Variants in PIP5K1B observed in about 807,000 individuals in gnomAD.
PIP5K1B encodes phosphatidylinositol-4-phosphate 5-kinase type 1 beta.
In PIP5K1B, 42 loss-of-function variants were observed where a neutral mutation model predicts 67.0. That is an observed-to-expected ratio of 0.63 (90% CI 0.49 to 0.81). PIP5K1B has a LOEUF of 0.81. PIP5K1B is among the 30% of genes least tolerant of loss of function. The probability of loss-of-function intolerance (pLI) is 0.00; values close to 1 mark genes in which losing one functional copy is unlikely to be tolerated. For missense variants in PIP5K1B, 459 were observed against 646.3 expected, an observed-to-expected ratio of 0.71 and a Z score of 3.14; for synonymous variants, 214 against 231.4, an observed-to-expected ratio of 0.92 and a Z score of 0.68.
chr9:68,741,217 C>G (rs993041200), intron 1 of PIP5K1B, among the ~76,000 whole-genome samples: 1 of 152,136 alleles, frequency 6.6e-6, no homozygotes, highest in East Asian at 1.9e-4. Context: ...AAATTGGAAT[C>G]ACATATTTTT....
intron 14 of PIP5K1B, among the ~76,000 whole-genome samples, chr9:68,958,389 G>A (rs1041086355): frequency 6.6e-6 from 1 of 152,068 alleles, no homozygotes; most frequent in Non-Finnish European, 1.5e-5. Context: ...CATATTTTCT[G>A]CTTCTTAAGT....
intron 5 of PIP5K1B, 102 bp downstream of exon 5, chr9:68,864,069 A>C: frequency 9.1e-7 from 1 of 1,104,734 alleles, no homozygotes; most frequent in Non-Finnish European, 1.3e-6. Context: ...TTATATGTAC[A>C]GATGTGAATA....
chr9:68,897,491 T>C (rs1825146458), intron 8 of PIP5K1B, among the ~76,000 whole-genome samples: 1 of 152,160 alleles, frequency 6.6e-6, no homozygotes, highest in Admixed American at 6.5e-5. Flanking sequence ...AGTAGAAGCA[T>C]ATTTCTAGGA....
intron 4 of PIP5K1B, among the ~76,000 whole-genome samples, chr9:68,828,230 G>A (rs1485088976): frequency 6.6e-6 from 1 of 152,190 alleles, no homozygotes; most frequent in African/African-American, 2.4e-5. Flanking sequence ...CTGCCTTTCT[G>A]GGCCTGCCCA....
intron 14 of PIP5K1B, among the ~76,000 whole-genome samples, chr9:68,985,996 T>C (rs1587763019): frequency 6.6e-6 from 1 of 152,268 alleles, no homozygotes; most frequent in East Asian, 1.9e-4. Context: ...ATTTGTCCAT[T>C]CATCAGTTGG....
At chr9:68,819,837 T>C (rs1301445074) in intron 3 of PIP5K1B, among the ~76,000 whole-genome samples, 1 of 152,174 alleles carries the variant, frequency 6.6e-6, no homozygotes, top group Non-Finnish European at 1.5e-5. Flanking sequence ...GAAAAATAAA[T>C]GAATAACTCT....
intron 2 of PIP5K1B, among the ~76,000 whole-genome samples, chr9:68,803,638 C>T (rs1207271385): frequency 6.6e-6 from 1 of 152,240 alleles, no homozygotes; most frequent in Admixed American, 6.5e-5. Context: ...CTGAGTTTGC[C>T]TCTAACAAGT....
chr9:68,744,832 C>G (rs1184092763), intron 2 of PIP5K1B, among the ~76,000 whole-genome samples: 1 of 152,174 alleles, frequency 6.6e-6, no homozygotes, highest in East Asian at 1.9e-4. Flanking sequence ...CTGCTGCACT[C>G]TCTTCAGCCT....
rs1833788599 is a variant in PIP5K1B, at chr9:68,822,687, A to G, written c.69+4A>G. 1.9e-6 allele frequency: 3 copies of G among 1,603,516 alleles called. No homozygotes were observed. Among genetic ancestry groups the G allele is most frequent in the Non-Finnish European group, 2.6e-6 (3 of 1,171,126 alleles). On this transcript the variant is annotated splice_donor_region_variant and intron_variant, in intron 4 of 15. Transcript: ENST00000265382. ...TGAAGAAAAAACCTATAAAAAGGTGAGTGTGCATTTTATTTTCTAAAGAGG... is the reference window on the plus strand; with the variant it reads ...TGAAGAAAAAACCTATAAAAAGGTGGGTGTGCATTTTATTTTCTAAAGAGG...
chr9:68,962,503 A>G (rs1480517303), intron 14 of PIP5K1B, among the ~76,000 whole-genome samples: 2 of 152,222 alleles, frequency 1.3e-5, no homozygotes, highest in African/African-American at 4.8e-5. Context: ...ACTGCCTCAT[A>G]AAGAACAGAT....
chr9:68,844,708 C>G (rs1048937807), intron 4 of PIP5K1B, among the ~76,000 whole-genome samples: 6 of 152,182 alleles, frequency 3.9e-5, no homozygotes, highest in Non-Finnish European at 7.3e-5. Flanking sequence ...TAATAACGCT[C>G]TCTCAGAGTT....
At chr9:68,991,091 G>A (rs1450089788) in intron 14 of PIP5K1B, 49 bp from the exon 15 acceptor site, 2 of 1,077,630 alleles carry the variant, frequency 1.9e-6, no homozygotes, top group African/African-American at 1.6e-5. Context: ...GGTGTCTTTA[G>A]ATTTTGTTCT....
At chr9:68,802,792 G>A (rs995816314) in intron 2 of PIP5K1B, among the ~76,000 whole-genome samples, 27 of 152,168 alleles carry the variant, frequency 1.8e-4, no homozygotes, top group African/African-American at 6.3e-4. Flanking sequence ...CAGTTGTGTT[G>A]GGGTGAGCTG....
At chr9:68,941,687 G>C (rs1827569337) in intron 14 of PIP5K1B, among the ~76,000 whole-genome samples, 1 of 152,182 alleles carries the variant, frequency 6.6e-6, no homozygotes, top group Non-Finnish European at 1.5e-5. Flanking sequence ...GATTTATGCA[G>C]GTGAAGAATT....
chr9:68,815,342 A>G (rs1833388271), intron 2 of PIP5K1B, among the ~76,000 whole-genome samples: 1 of 152,004 alleles, frequency 6.6e-6, no homozygotes, highest in South Asian at 2.1e-4. Context: ...GAAAGAAGGT[A>G]TTATTAATGA....
chr9:68,957,532 C>T (rs1031982599), intron 14 of PIP5K1B, among the ~76,000 whole-genome samples: 1 of 152,168 alleles, frequency 6.6e-6, no homozygotes, highest in African/African-American at 2.4e-5. Flanking sequence ...GACAGAGGAG[C>T]TTTCAGAAAT....
chr9:69,008,581 C>A lies in PIP5K1B; in HGVS notation c.*132C>A. Reference sequence around the variant, plus strand: ...ACACACAGAGAAATCATCAACCTGACTTAAGAGTTTTCAAGATGTCAACTT... The same window carrying A: ...ACACACAGAGAAATCATCAACCTGAATTAAGAGTTTTCAAGATGTCAACTT... On this transcript the variant is annotated 3_prime_UTR_variant, in exon 16 of 16. Transcript: ENST00000265382. 2 of 870,024 alleles carry A rather than the reference C, an allele frequency of 2.3e-6. No individual in the cohort carries two copies. Among genetic ancestry groups the A allele is most frequent in the Non-Finnish European group, 3.9e-6 (2 of 513,058 alleles). 53.9% of individuals were successfully genotyped at this position (870,024 alleles called of 1,614,324 possible). A position where few individuals can be genotyped will look rare whatever the true frequency, so the allele number is the denominator to read the frequency against.
At chr9:68,899,346 C>A (rs1343733372) in intron 8 of PIP5K1B, among the ~76,000 whole-genome samples, 1 of 152,094 alleles carries the variant, frequency 6.6e-6, no homozygotes, top group Non-Finnish European at 1.5e-5. Flanking sequence ...AATCCTGGAG[C>A]CTGAGGAGCA....
At chr9:68,808,562 T>C (rs942160893) in intron 2 of PIP5K1B, among the ~76,000 whole-genome samples, 3 of 152,260 alleles carry the variant, frequency 2.0e-5, no homozygotes, top group African/African-American at 7.2e-5. Flanking sequence ...CCGTCATGGC[T>C]GTTTTCACTG....
Sources: allele counts gnomAD v4.1 joint callset (sites outside exome capture counted in the v4.1 genomes callset), GRCh38; gene constraint gnomAD v4.1.1; transcripts MANE v1.5; gene names NCBI Gene and HGNC (gene_info 2026-07-23, HGNC 2026-07-21).